The following CERKL variants were observed in gnomAD, a reference collection of about 807,000 sequenced individuals.
CERKL encodes the protein CERK like autophagy regulator.
In CERKL, 61 loss-of-function variants were observed where a neutral mutation model predicts 63.4. That is an observed-to-expected ratio of 0.96 (90% CI 0.78 to 1.19). The LOEUF is 1.19. CERKL is among the 50% of genes most tolerant of loss of function. The pLI is 0.00. For missense variants in CERKL, 675 were observed against 655.5 expected (o/e 1.03, Z -0.33); for synonymous variants, 250 against 230.5 (o/e 1.08, Z -0.77).
chr2:181,653,555 T>C (rs771882653), intron 1 of CERKL, among the ~76,000 whole-genome samples: 1 of 152,094 alleles, frequency 6.6e-6, no homozygotes, highest in Non-Finnish European at 1.5e-5. Context: ...AGAAACATAA[T>C]GGAATACTAG....
chr2:181,558,646 G>A lies in CERKL; in HGVS notation c.740C>T (p.Ala247Val). The change falls in exon 5 of 13, where the codon GCT (alanine) becomes GTT (valine). Residue 247 changes from alanine (A) to valine (V), a missense_variant. Physicochemically the swap from Ala to Val is moderately conservative, Grantham distance 64. Transcript: ENST00000410087. The surrounding 1 kb of genome is among the most constrained non-coding windows in gnomAD (Gnocchi z 4.2). Reference sequence around the variant, plus strand: ...TGTTTCCATCCCAGCATTCTTCTGAGCTCTCAGAAGCAAAGCATGGGCTAC... The same window carrying A: ...TGTTTCCATCCCAGCATTCTTCTGAACTCTCAGAAGCAAAGCATGGGCTAC... The part of the protein sequence containing the change: ...SEVAHALLLR[A>V]QKNAGMETDR... The A allele has an allele frequency of 6.2e-7, 1 of 1,613,714 alleles. No individual in the cohort carries two copies. Among genetic ancestry groups the A allele is most frequent in the Non-Finnish European group, 8.5e-7 (1 of 1,179,782 alleles).
chr2:181,599,464 G>A (rs1014677723), intron 2 of CERKL, among the ~76,000 whole-genome samples: 1 of 151,882 alleles, frequency 6.6e-6, no homozygotes, highest in African/African-American at 2.4e-5. Flanking sequence ...TTGAACCCAG[G>A]AGGCAGAGGT....
chr2:181,566,430 T>A (rs1177229012), intron 3 of CERKL, among the ~76,000 whole-genome samples: 1 of 152,192 alleles, frequency 6.6e-6, no homozygotes, highest in African/African-American at 2.4e-5. Context: ...AAGACACATG[T>A]CCTTTAAATC....
At chr2:181,601,990 T>A (rs1661501150) in intron 2 of CERKL, among the ~76,000 whole-genome samples, 1 of 152,230 alleles carries the variant, frequency 6.6e-6, no homozygotes, top group Non-Finnish European at 1.5e-5. Context: ...AGTTTATTCA[T>A]CTCTGTAATT....
In CERKL at chr2:181,633,243, G is replaced by A. The variant is rs141899603; in HGVS notation, c.238+23526C>T. ...TTCAGCCAAGTGGGGACAGAAGGTT[G>A]TCCTAATGACATAAGTCACCCAAGG... On this transcript the variant is annotated intron_variant, in intron 1 of 12. Transcript: ENST00000410087. Among the ~76,000 whole-genome samples, 569 of 152,318 alleles carry A rather than the reference G, an allele frequency of 3.7e-3. 3 individuals carry two copies. The highest frequency in any genetic ancestry group is 5.3e-3 in the Non-Finnish European group (362 of 68,028).
rs72885307 is a variant in CERKL at position 181,572,125 on chromosome 2, C to A, written c.613+1628G>T. Among the ~76,000 whole-genome samples the A allele has an allele frequency of 5.5e-3, 833 of 152,178 alleles. 6 individuals carry two copies. Among genetic ancestry groups the A allele is most frequent in the Non-Finnish European group, 9.4e-3 (638 of 67,990 alleles). On this transcript the variant is annotated intron_variant, in intron 3 of 12. Coordinates refer to ENST00000410087, the MANE Select transcript of CERKL (RefSeq NM_201548.5). Reference sequence around the variant, plus strand: ...TACACACACTCTCTCTCTCCGCCCCCCCTCCCAACTTTTACAGTACATGCC... The same window carrying A: ...TACACACACTCTCTCTCTCCGCCCCACCTCCCAACTTTTACAGTACATGCC...
At chr2:181,622,963 G>T (rs1686519757) in intron 1 of CERKL, among the ~76,000 whole-genome samples, 1 of 152,142 alleles carries the variant, frequency 6.6e-6, no homozygotes, top group Non-Finnish European at 1.5e-5. Flanking sequence ...TTCTCCTGTG[G>T]AGTACACTTA....
Position 181,656,823 on chromosome 2 carries a change from C to A in CERKL, c.184G>T (p.Val62Leu), listed in dbSNP as rs1574077394. Residue 62 changes from valine to leucine, a missense_variant, in exon 1 of 13, where the codon GTG (valine) becomes TTG (leucine). By Grantham distance (32) the Val-to-Leu change is conservative. Transcript: ENST00000410087. The part of the protein sequence containing the change: ...FEIGRDSCDV[V>L]LSERALRWRP... ...CACCGCAGTGCTCGCTCGCTCAGCACCACGTCACAACTGTCCCTCCCGATC... is the reference window on the plus strand; with the variant it reads ...CACCGCAGTGCTCGCTCGCTCAGCAACACGTCACAACTGTCCCTCCCGATC... The A allele has an allele frequency of 1.2e-6, 2 of 1,600,564 alleles. No individual in the cohort carries two copies. Among genetic ancestry groups the A allele is most frequent in the South Asian group, 2.2e-5 (2 of 90,224 alleles).
At chr2:181,612,925 T>C (rs1686028947) in intron 1 of CERKL, among the ~76,000 whole-genome samples, 1 of 152,166 alleles carries the variant, frequency 6.6e-6, no homozygotes, top group Non-Finnish European at 1.5e-5. Flanking sequence ...ACAAGATCAG[T>C]ACCATACACG....
At chr2:181,602,630 C>T (rs1301903776) in intron 2 of CERKL, among the ~76,000 whole-genome samples, 1 of 152,228 alleles carries the variant, frequency 6.6e-6, no homozygotes, top group African/African-American at 2.4e-5. Context: ...GTCACTTCAG[C>T]TCATCTCGCA....
At chr2:181,588,756 T>A (rs1684866811) in intron 2 of CERKL, among the ~76,000 whole-genome samples, 1 of 152,156 alleles carries the variant, frequency 6.6e-6, no homozygotes, top group Non-Finnish European at 1.5e-5. Context: ...ATACTTATCT[T>A]TTATCTTTCT....
intron 3 of CERKL, 31 bp downstream of exon 3, chr2:181,573,722 A>T: frequency 6.3e-7 from 1 of 1,598,940 alleles, no homozygotes; most frequent in Non-Finnish European, 8.6e-7. Context: ...GTTTTTGTAG[A>T]TGGTGAAATT....
chr2:181,642,623 G>C (rs763673098), intron 1 of CERKL, among the ~76,000 whole-genome samples: 9 of 152,070 alleles, frequency 5.9e-5, no homozygotes, highest in Non-Finnish European at 1.3e-4. Flanking sequence ...GCTCTGAGTT[G>C]TGGCAGGAAT....
In CERKL at chr2:181,536,835, T is replaced by C. The variant is rs927507608; in HGVS notation, c.*1349A>G. Reference sequence around the variant, plus strand: ...ATTGCAGAATATCATTTTATCTGACTCTGCCTTCATAAGAGAGCTGTGGCC... The same window carrying C: ...ATTGCAGAATATCATTTTATCTGACCCTGCCTTCATAAGAGAGCTGTGGCC... On this transcript the variant is annotated 3_prime_UTR_variant, in exon 13 of 13. Coordinates refer to ENST00000410087, the MANE Select transcript of CERKL (RefSeq NM_201548.5). 5.3e-6 allele frequency: 2 copies of C among 376,590 alleles called. No individual in the cohort carries two copies. The highest frequency in any genetic ancestry group is 2.1e-5 in the African/African-American group (1 of 47,810). The allele number at this position is 376,590 out of a possible 1,614,324, so 23.3% of individuals were successfully genotyped here.
intron 1 of CERKL, among the ~76,000 whole-genome samples, chr2:181,624,548 A>G (rs533722915): frequency 3.9e-5 from 6 of 152,242 alleles, no homozygotes; most frequent in Non-Finnish European, 7.4e-5. Context: ...ACAAAAACGA[A>G]ATTGCTACAT....
At chr2:181,637,611 G>C (rs1687236449) in intron 1 of CERKL, among the ~76,000 whole-genome samples, 1 of 152,096 alleles carries the variant, frequency 6.6e-6, no homozygotes, top group South Asian at 2.1e-4. Context: ...CCAGAGCTTT[G>C]AGGAACAAAT....
At chr2:181,605,921 C>T (rs73037329) in intron 1 of CERKL, among the ~76,000 whole-genome samples, 2,229 of 152,010 alleles carry the variant, frequency 0.015, 66 homozygotes, top group African/African-American at 0.051. Context: ...AAGTTCCTTG[C>T]TTGCATTCTC....
intron 1 of CERKL, among the ~76,000 whole-genome samples, chr2:181,627,587 C>T (rs527853005): frequency 6.6e-6 from 1 of 152,048 alleles, no homozygotes; most frequent in Non-Finnish European, 1.5e-5. Context: ...CAATTCCAAC[C>T]CAGGATAGGA....
chr2:181,625,027 G>T (rs1596023), intron 1 of CERKL, among the ~76,000 whole-genome samples: 55,060 of 151,990 alleles, frequency 0.36, 11,255 homozygotes, highest in South Asian at 0.67. Flanking sequence ...ACTAGAGAAG[G>T]TCCAACCAGA....
Sources: allele counts gnomAD v4.1 joint callset (sites outside exome capture counted in the v4.1 genomes callset), GRCh38; gene constraint gnomAD v4.1.1; non-coding constraint Gnocchi (gnomAD v3.1); transcripts MANE v1.5; gene names NCBI Gene and HGNC (gene_info 2026-07-23, HGNC 2026-07-21).